The following SLC6A12 variants were observed in gnomAD, a reference collection of about 807,000 sequenced individuals.
SLC6A12 encodes solute carrier family 6 member 12.
In SLC6A12, 50 loss-of-function variants were observed where a neutral mutation model predicts 73.3. That is an observed-to-expected ratio of 0.68 (90% confidence interval 0.54 to 0.86). SLC6A12 has a LOEUF of 0.86. SLC6A12 is among the 40% of genes least tolerant of loss of function. The pLI is 0.00. For missense variants in SLC6A12, 648 were observed against 772.8 expected, an observed-to-expected ratio of 0.84 and a Z score of 1.92; for synonymous variants, 304 against 309.2, an observed-to-expected ratio of 0.98 and a Z score of 0.18.
At chr12:211,390 G>C (rs1294529873) in intron 2 of SLC6A12, among the ~76,000 whole-genome samples, 1 of 152,240 alleles carries the variant, frequency 6.6e-6, no homozygotes, top group Non-Finnish European at 1.5e-5. Context: ...ATGTCAGAGT[G>C]AAATTCTGGT....
chr12:184,323 T>C, the SLC6A12 span, among the ~76,000 whole-genome samples: 4 of 152,096 alleles, frequency 2.6e-5, no homozygotes, highest in Non-Finnish European at 4.4e-5. Flanking sequence ...GTAAATGATA[T>C]CTATCAAAAA....
chr12:210,154 T>C, intron 2 of SLC6A12, 111 bp from the exon 3 acceptor site: 2 of 1,323,972 alleles, frequency 1.5e-6, no homozygotes, highest in Non-Finnish European at 2.0e-6. Context: ...AAGTGCTCCA[T>C]GGCATTTACA....
At chr12:201,936 T>C in intron 5 of SLC6A12, 87 bp from the exon 6 acceptor site, 1 of 1,077,052 alleles carries the variant, frequency 9.3e-7, no homozygotes, top group South Asian at 1.3e-5. Flanking sequence ...AGCCTAGTGG[T>C]CCTCACCACT....
At chr12:188,426 C>T (rs1421452310), downstream of SLC6A12, among the ~76,000 whole-genome samples, 2 of 152,010 alleles carry the variant, frequency 1.3e-5, no homozygotes, top group African/African-American at 2.4e-5. Flanking sequence ...GCAAGCGCCG[C>T]GCGCAGCCCC....
chr12:208,605 G>C (rs1037256842), intron 3 of SLC6A12, among the ~76,000 whole-genome samples: 2 of 152,152 alleles, frequency 1.3e-5, no homozygotes, highest in Non-Finnish European at 2.9e-5. Flanking sequence ...CACAAAGGAC[G>C]GCGCATTGAA....
chr12:191,819 A>G (rs1939613142), intron 15 of SLC6A12, among the ~76,000 whole-genome samples: 1 of 152,192 alleles, frequency 6.6e-6, no homozygotes, highest in Non-Finnish European at 1.5e-5. Context: ...AATGCAGGAA[A>G]AGTCTGGTCC....
At chr12:191,605 T>C (rs1939604137) in intron 15 of SLC6A12, among the ~76,000 whole-genome samples, 1 of 152,312 alleles carries the variant, frequency 6.6e-6, no homozygotes, top group Admixed American at 6.5e-5. Context: ...ATTACTATTA[T>C]TATGTGCTCA....
At chr12:187,655 T>G (rs540684682), downstream of SLC6A12, among the ~76,000 whole-genome samples, 3 of 129,576 alleles carry the variant, frequency 2.3e-5, no homozygotes, top group Non-Finnish European at 3.1e-5. Context: ...CAGCACCCAC[T>G]GCACACAACG....
Position 193,326 on chromosome 12 carries a change from C to G in SLC6A12, c.1481G>C (p.Trp494Ser), listed in dbSNP as rs138178078. 1.7e-3 allele frequency: 2,732 copies of G among 1,614,084 alleles called. 15 individuals are homozygous for G. The highest frequency in any genetic ancestry group is 1.7e-3 in the Non-Finnish European group (2,043 of 1,179,956). ...GAGCCAGGAGATCTTCACCAGGGGC[C>G]ATGGCCGGTAGCCAATCATGTCCTC... is the stretch of plus-strand genomic sequence containing the variant. Reference protein sequence around the residue: ...NIEDMIGYRPWPLVKISWLFL... With the variant: ...NIEDMIGYRPSPLVKISWLFL... The change falls in exon 14 of 16, where the codon TGG becomes TCG. Residue 494 changes from tryptophan to serine, a missense_variant. Transcript: ENST00000684302.
In SLC6A12 at chr12:193,393, G is replaced by A. The variant is rs770583274; in HGVS notation, c.1430-16C>T. The A allele has an allele frequency of 1.7e-5, 27 of 1,589,196 alleles. No homozygotes were observed. Among genetic ancestry groups the A allele is most frequent in the East Asian group, 8.9e-5 (4 of 44,752 alleles). On this transcript the variant is annotated splice_polypyrimidine_tract_variant and intron_variant, in intron 13 of 15. Coordinates refer to ENST00000684302, the MANE Select transcript of SLC6A12 (RefSeq NM_001122848.3). ...CGGTCCGCCCCTGAGCAGGCATGGC[G>A]TGGGAGAGTGTGAGAGCCAGAGGGT...
intron 1 of SLC6A12, among the ~76,000 whole-genome samples, chr12:212,941 G>A (rs1410528647): frequency 6.6e-6 from 1 of 152,110 alleles, no homozygotes; most frequent in Non-Finnish European, 1.5e-5. Flanking sequence ...GTGCCCTCCA[G>A]AAGCAAACAC....
chr12:200,096 C>T (rs1170354648), intron 7 of SLC6A12, among the ~76,000 whole-genome samples: 3 of 149,824 alleles, frequency 2.0e-5, no homozygotes, highest in Non-Finnish European at 4.4e-5. Context: ...TCTAATTTGC[C>T]CTGAATATTC....
At chr12:209,719 C>G in intron 3 of SLC6A12, 54 bp downstream of exon 3, 5 of 1,601,496 alleles carry the variant, frequency 3.1e-6, no homozygotes, top group Non-Finnish European at 4.3e-6. Flanking sequence ...GTAGGCACTG[C>G]CCAGCTGCCA....
intron 13 of SLC6A12, among the ~76,000 whole-genome samples, chr12:194,296 C>A (rs1323805799): frequency 1.3e-5 from 2 of 152,206 alleles, no homozygotes; most frequent in Non-Finnish European, 2.9e-5. Context: ...AAGGAAGGAA[C>A]GTCTCCATGG....
intron 15 of SLC6A12, among the ~76,000 whole-genome samples, chr12:191,476 TC>T (rs1939595942): frequency 6.6e-6 from 1 of 152,154 alleles, no homozygotes; most frequent in South Asian, 2.1e-4. Flanking sequence ...CCTCTGTTAA[TC>T]CCCCTCAATT....
intron 11 of SLC6A12, among the ~76,000 whole-genome samples, chr12:196,569 C>A (rs189995959): frequency 4.6e-4 from 70 of 152,290 alleles, no homozygotes; most frequent in Non-Finnish European, 9.1e-4. Flanking sequence ...AGGCTCAAGG[C>A]TGGGAGCACA....
chr12:206,100 T>A (rs1940626321), intron 3 of SLC6A12, among the ~76,000 whole-genome samples: 1 of 152,228 alleles, frequency 6.6e-6, no homozygotes, highest in Non-Finnish European at 1.5e-5. Context: ...TATAAGCCAC[T>A]TTAACTGTTC....
rs548263813 is a variant in SLC6A12 at position 204,461 on chromosome 12, GAGCGGATGGGTGAAGC to G, written c.349+87_349+102del. On this transcript the variant is annotated intron_variant, in intron 4 of 15. Coordinates refer to ENST00000684302, the MANE Select transcript of SLC6A12 (RefSeq NM_001122848.3). ...TGCACTTGGCGCAGGATATGGGAGTGAGCGGATGGGTGAAGCAGCGGATGGGTAGGCAGGGAGAGAC... is the reference window on the plus strand; with the variant it reads ...TGCACTTGGCGCAGGATATGGGAGTGAGCGGATGGGTAGGCAGGGAGAGAC... The G allele has an allele frequency of 2.8e-4, 326 of 1,146,504 alleles. 1 individual carries two copies. The African/African-American group carries it at 4.5e-3, about 16-fold the overall frequency. The allele number at this position is 1,146,504 out of a possible 1,614,324, so 71.0% of individuals were successfully genotyped here. A position where few individuals can be genotyped will look rare whatever the true frequency, so the allele number is the denominator to read the frequency against.
chr12:206,493 G>T (rs1440135097), intron 3 of SLC6A12, among the ~76,000 whole-genome samples: 1 of 152,172 alleles, frequency 6.6e-6, no homozygotes, highest in Non-Finnish European at 1.5e-5. Context: ...TGGATATTTT[G>T]GTTGTTTCCA....
Sources: allele counts gnomAD v4.1 joint callset (sites outside exome capture counted in the v4.1 genomes callset), GRCh38; gene constraint gnomAD v4.1.1; transcripts MANE v1.5; gene names NCBI Gene and HGNC (gene_info 2026-07-23, HGNC 2026-07-21).